RANBP10: variants seen among roughly 807,000 people sequenced by gnomAD.
RANBP10 encodes the protein RAN binding protein 10.
Under a neutral mutation model 72.8 loss-of-function variants are expected in RANBP10, and 24 were observed. The observed-to-expected ratio is 0.33, with a 90% CI of 0.24 to 0.46. The LOEUF (loss-of-function observed/expected upper bound fraction) is 0.46. Among genes scored for constraint, RANBP10 ranks in the 20% least tolerant of loss-of-function variants. RANBP10 has a pLI of 1.00. For missense variants in RANBP10, 679 were observed against 817.5 expected, an observed-to-expected ratio of 0.83 and a Z score of 2.07; for synonymous variants, 310 against 322.3, an observed-to-expected ratio of 0.96 and a Z score of 0.41.
In RANBP10 at chr16:67,728,386, T is replaced by A. The variant is rs1483171895; in HGVS notation, c.1474+4A>T. 7.4e-6 allele frequency: 12 copies of A among 1,613,706 alleles called. No homozygotes were observed. On this transcript the variant is annotated splice_donor_region_variant and intron_variant, in intron 11 of 13. Coordinates refer to ENST00000317506, the MANE Select transcript of RANBP10 (RefSeq NM_020850.3). ...AGAATAGCACACCGGGCCGTGGCTC[T>A]CACCCATGCTGGACTCATCCGTCTG...
chr16:67,728,660 T>G, intron 10 of RANBP10, 149 bp from the exon 11 acceptor site: 2 of 1,435,138 alleles, frequency 1.4e-6, no homozygotes, highest in African/African-American at 1.4e-5. Context: ...TTCCAAGTCT[T>G]CAGCACTTGG....
At chr16:67,736,708 G>A (rs1007713017) in intron 5 of RANBP10, among the ~76,000 whole-genome samples, 5 of 152,122 alleles carry the variant, frequency 3.3e-5, no homozygotes, top group African/African-American at 7.2e-5. Flanking sequence ...TTCATGTCAC[G>A]TCCCCATAAC....
chr16:67,798,204 G>A (rs2055169059), intron 2 of RANBP10, among the ~76,000 whole-genome samples: 1 of 152,072 alleles, frequency 6.6e-6, no homozygotes, highest in South Asian at 2.1e-4. Context: ...GGCAGTAAGG[G>A]AAAATGGGGC....
At position 67,730,100 on chromosome 16, in the gene RANBP10, C is replaced by T; in HGVS notation, c.890-54G>A. ...CGAGGGCTACAGGCCTCTCCCACAG[C>T]CACACACCTGGGATGCTGCCAGCCT... is the stretch of plus-strand genomic sequence containing the variant. On this transcript the variant is annotated intron_variant, in intron 7 of 13. Transcript: ENST00000317506. The surrounding 1 kb of genome is among the most constrained non-coding windows in gnomAD (Gnocchi z 4.3). 1 of 1,523,254 alleles carries T rather than the reference C, an allele frequency of 6.6e-7. No homozygotes were observed. The highest frequency in any genetic ancestry group is 9.0e-7 in the Non-Finnish European group (1 of 1,109,512). 94.4% of individuals were successfully genotyped at this position (1,523,254 alleles called of 1,614,324 possible).
chr16:67,794,052 A>T (rs1430130562), intron 2 of RANBP10, among the ~76,000 whole-genome samples: 4 of 151,802 alleles, frequency 2.6e-5, no homozygotes, highest in Non-Finnish European at 5.9e-5. Context: ...GCTCATTTTT[A>T]AAAATGTTTC....
chr16:67,788,547 C>T (rs1052387477), intron 2 of RANBP10, among the ~76,000 whole-genome samples: 5 of 151,264 alleles, frequency 3.3e-5, no homozygotes, highest in East Asian at 2.0e-4. Context: ...TGAGCCAGCG[C>T]GCCCAGCCCT....
In RANBP10 at chr16:67,724,280, C is replaced by T. The variant is rs769944818; in HGVS notation, c.*2148G>A. On this transcript the variant is annotated 3_prime_UTR_variant, in exon 14 of 14. Coordinates refer to ENST00000317506, the MANE Select transcript of RANBP10 (RefSeq NM_020850.3). ...TCAGGACTAAATAGTGTTGCCCAAC[C>T]CACAGGGATAAGGGATAGTCCCGGC... The T allele has an allele frequency of 9.9e-5, 15 of 152,252 alleles. No homozygotes were observed. Among genetic ancestry groups the T allele is most frequent in the Non-Finnish European group, 1.9e-4 (13 of 68,044 alleles). The allele number at this position is 152,252 out of a possible 1,614,324, so 9.4% of individuals were successfully genotyped here.
At chr16:67,741,499 C>T (rs867000639) in intron 4 of RANBP10, among the ~76,000 whole-genome samples, 4 of 152,176 alleles carry the variant, frequency 2.6e-5, no homozygotes, top group Non-Finnish European at 5.9e-5. Flanking sequence ...AAGGAGTACC[C>T]AGAGCCAAAC....
chr16:67,763,529 G>A (rs932008944), intron 3 of RANBP10: 2 of 152,218 alleles, frequency 1.3e-5, no homozygotes, highest in Non-Finnish European at 2.9e-5. Flanking sequence ...AATGAGCGGA[G>A]TGGCTTGAAT....
At chr16:67,788,142 C>A (rs1022811374) in intron 2 of RANBP10, among the ~76,000 whole-genome samples, 2 of 150,760 alleles carry the variant, frequency 1.3e-5, no homozygotes, top group Non-Finnish European at 3.0e-5. Context: ...TGAGCTCAAG[C>A]AATCCTCTTG....
intron 2 of RANBP10, among the ~76,000 whole-genome samples, chr16:67,786,331 A>G (rs2054917103): frequency 6.6e-6 from 1 of 152,116 alleles, no homozygotes; most frequent in African/African-American, 2.4e-5. Flanking sequence ...TCCATCTGAA[A>G]AAAATAAAAA....
chr16:67,772,348 G>T (rs764168221), intron 2 of RANBP10, among the ~76,000 whole-genome samples: 16 of 152,188 alleles, frequency 1.1e-4, no homozygotes, highest in African/African-American at 3.4e-4. Context: ...AATTTCAGAG[G>T]AAAGTGTCAT....
At chr16:67,794,829 A>G (rs1322950020) in intron 2 of RANBP10, among the ~76,000 whole-genome samples, 4 of 151,100 alleles carry the variant, frequency 2.6e-5, no homozygotes, top group Non-Finnish European at 4.4e-5. Flanking sequence ...AGCCTAAAAA[A>G]AATCCTACAT....
At chr16:67,757,338 C>T (rs550532698) in intron 3 of RANBP10, among the ~76,000 whole-genome samples, 5 of 152,292 alleles carry the variant, frequency 3.3e-5, no homozygotes, top group Middle Eastern at 3.4e-3. Flanking sequence ...CGACGGCAGC[C>T]CCAGACCTGC....
chr16:67,795,855 A>G (rs1482491684), intron 2 of RANBP10, among the ~76,000 whole-genome samples: 1 of 148,452 alleles, frequency 6.7e-6, no homozygotes, highest in Non-Finnish European at 1.5e-5. Flanking sequence ...ACTCCGTCTC[A>G]AAAATAAACA....
At chr16:67,748,397 C>A (rs977526377) in intron 3 of RANBP10, among the ~76,000 whole-genome samples, 1 of 151,606 alleles carries the variant, frequency 6.6e-6, no homozygotes, top group Non-Finnish European at 1.5e-5. Flanking sequence ...GTGGCGGGCG[C>A]CTGTAATCCC....
chr16:67,790,635 G>A (rs16957533), intron 2 of RANBP10, among the ~76,000 whole-genome samples: 8,491 of 151,674 alleles, frequency 0.056, 885 homozygotes, highest in African/African-American at 0.18. Flanking sequence ...CAGAAGTCCC[G>A]CACTTAGCCC....
intron 5 of RANBP10, among the ~76,000 whole-genome samples, chr16:67,737,449 A>G (rs565453097): frequency 6.6e-6 from 1 of 151,526 alleles, no homozygotes; most frequent in Non-Finnish European, 1.5e-5. Flanking sequence ...TGATTTGCCC[A>G]CCTCGGCCTC....
Position 67,805,546 on chromosome 16 carries a change from G to A in RANBP10, c.236-7C>T, listed in dbSNP as rs1330828452. 1 of 1,611,876 alleles carries A rather than the reference G, an allele frequency of 6.2e-7. No individual in the cohort carries two copies. The highest frequency in any genetic ancestry group is 8.5e-7 in the Non-Finnish European group (1 of 1,178,844). ...TTGTGATTTTTGCCATGACCTAACA[G>A]GAGAGGGCAAGTAAGAAATTTCAGC... is the stretch of plus-strand genomic sequence containing the variant. On this transcript the variant is annotated splice_region_variant and splice_polypyrimidine_tract_variant and intron_variant, in intron 1 of 13. Coordinates refer to ENST00000317506, the MANE Select transcript of RANBP10 (RefSeq NM_020850.3).
Sources: allele counts gnomAD v4.1 joint callset (sites outside exome capture counted in the v4.1 genomes callset), GRCh38; gene constraint gnomAD v4.1.1; non-coding constraint Gnocchi (gnomAD v3.1); transcripts MANE v1.5; gene names NCBI Gene and HGNC (gene_info 2026-07-23, HGNC 2026-07-21).